Variants in ARL10 observed in about 807,000 individuals in gnomAD.
The protein encoded by ARL10 is ARF like GTPase 10, also known as ADP-ribosylation factor-like protein 10.
Under a neutral mutation model 26.1 loss-of-function variants are expected in ARL10, and 23 were observed. The ratio of observed to expected loss-of-function variants is 0.88; its 90% CI spans 0.63 to 1.25. The LOEUF (loss-of-function observed/expected upper bound fraction) is 1.25, where lower values mean the gene tolerates loss of function less well. Ranked by LOEUF, ARL10 falls within the 50% of genes most tolerant of loss-of-function variation. The pLI, the probability that ARL10 is intolerant of heterozygous loss-of-function variation, is 0.00. For missense variants in ARL10, 300 were observed against 323.6 expected, an observed-to-expected ratio of 0.93 and a Z score of 0.56; for synonymous variants, 138 against 149.1, an observed-to-expected ratio of 0.93 and a Z score of 0.54.
downstream of ARL10, among the ~76,000 whole-genome samples, chr5:176,382,992 G>A (rs13179981): frequency 0.097 from 14,824 of 152,174 alleles, 839 homozygotes; most frequent in African/African-American, 0.14. Context: ...TGGAGTCTAC[G>A]GCTGGCTCCA....
In ARL10 at chr5:176,379,002, A is replaced by G. The variant is rs971674520; in HGVS notation, c.*7107A>G. 1.2e-4 allele frequency: 19 copies of G among 152,304 alleles called. No homozygotes were observed. Among genetic ancestry groups the G allele is most frequent in the African/African-American group, 4.6e-4 (19 of 41,578 alleles). 9.4% of individuals were successfully genotyped at this position (152,304 alleles called of 1,614,324 possible). On this transcript the variant is annotated 3_prime_UTR_variant, in exon 4 of 4. Transcript: ENST00000310389. Reference sequence around the variant, plus strand: ...CACAGCACGTGGAACTTGCAAAAAAAAAAGTTCACTCCCTAAAACCAGATC... The same window carrying G: ...CACAGCACGTGGAACTTGCAAAAAAGAAAGTTCACTCCCTAAAACCAGATC...
At chr5:176,405,625 T>C (rs1376241556), downstream of ARL10, 3 of 151,838 alleles carry the variant, frequency 2.0e-5, no homozygotes, top group Non-Finnish European at 4.4e-5. Flanking sequence ...TAAAAGAATG[T>C]GCACTGACCA....
Position 176,368,885 on chromosome 5 carries a change from C to T in ARL10, c.464C>T (p.Ser155Leu), listed in dbSNP as rs770045755. 9 of 1,614,184 alleles carry T rather than the reference C, an allele frequency of 5.6e-6. No individual in the cohort carries two copies. The East Asian group carries it at 1.1e-4, about 20-fold the overall frequency. ...EVDVLVFVVDSADRLRLPWAR... is the reference protein window; with the variant it reads ...EVDVLVFVVDLADRLRLPWAR... ...GATGTGCTGGTGTTTGTGGTGGACT[C>T]GGCTGACCGACTGCGGCTGCCCTGG... The change falls in exon 3 of 4, where the codon TCG becomes TTG. Residue 155 changes from serine (S) to leucine (L), a missense_variant. Coordinates refer to ENST00000310389, the MANE Select transcript of ARL10 (RefSeq NM_173664.6). This position sits in a 1 kb window ranked among gnomAD's most constrained non-coding sequence, Gnocchi z 4.1.
the ARL10 span, among the ~76,000 whole-genome samples, chr5:176,407,216 T>C: frequency 6.6e-6 from 1 of 152,282 alleles, no homozygotes; most frequent in Admixed American, 6.5e-5. Context: ...AGTGGCTGAT[T>C]TCCTGGGTGA....
In ARL10 at chr5:176,365,495, C is replaced by A; in HGVS notation, c.-69C>A. ...GTGGGCGCGGCCGCAGCAGTCGCAG[C>A]GGGGCCATCTTCGGCGGGCGAGTGG... On this transcript the variant is annotated 5_prime_UTR_variant, in exon 1 of 4. Transcript: ENST00000310389. 8.7e-7 allele frequency: 1 copy of A among 1,147,206 alleles called. No homozygotes were observed. Among genetic ancestry groups the A allele is most frequent in the African/African-American group, 1.6e-5 (1 of 62,292 alleles). 71.1% of individuals were successfully genotyped at this position (1,147,206 alleles called of 1,614,324 possible). A position where few individuals can be genotyped will look rare whatever the true frequency, so the allele number is the denominator to read the frequency against.
Position 176,366,406 on chromosome 5 carries a change from G to A in ARL10, c.210G>A (p.Pro70=), listed in dbSNP as rs771258222. 5.6e-6 allele frequency: 9 copies of A among 1,611,102 alleles called. No homozygotes were observed. The highest frequency in any genetic ancestry group is 1.7e-5 in the Admixed American group (1 of 59,918). ...WDPEDEEDEE[P]ALEELEQREV... ...CCGAGGACGAGGAGGACGAGGAGCC[G>A]GCGCTGGAGGAGCTGGAACAGCGCG... The change falls in exon 2 of 4, where the codon CCG becomes CCA. Residue 70 remains proline (P), a synonymous_variant. Transcript: ENST00000310389.
downstream of ARL10, among the ~76,000 whole-genome samples, chr5:176,383,417 A>C (rs546956605): frequency 2.0e-5 from 3 of 152,378 alleles, no homozygotes; most frequent in African/African-American, 7.2e-5. Flanking sequence ...CATGCCACCG[A>C]ATCAGGCAAG....
intron 1 of ARL10, among the ~76,000 whole-genome samples, chr5:176,400,710 CCTT>C (rs1182784838): frequency 6.6e-6 from 1 of 152,218 alleles, no homozygotes; most frequent in East Asian, 1.9e-4. Flanking sequence ...CCTCCCTCCT[CCTT>C]CAAGCACTTA....
chr5:176,387,229 G>A (rs567301932), intron 1 of ARL10, among the ~76,000 whole-genome samples: 3 of 152,086 alleles, frequency 2.0e-5, no homozygotes, highest in South Asian at 2.1e-4. Context: ...ACAATCATGC[G>A]CCACCATGCC....
rs1481936766 is a variant in ARL10, at chr5:176,381,857, A to C, written c.*9962A>C. 6.6e-6 allele frequency: 1 copy of C among 152,230 alleles called. No individual in the cohort carries two copies. Among genetic ancestry groups the C allele is most frequent in the East Asian group, 1.9e-4 (1 of 5,206 alleles). 9.4% of individuals were successfully genotyped at this position (152,230 alleles called of 1,614,324 possible). A position where few individuals can be genotyped will look rare whatever the true frequency, so the allele number is the denominator to read the frequency against. ...CTAATGAATATATTGTACAATTTTT[A>C]AAGTCCCCAGTTGTGGGAGGTGAAC... is the stretch of plus-strand genomic sequence containing the variant. On this transcript the variant is annotated 3_prime_UTR_variant, in exon 4 of 4. Transcript: ENST00000310389.
the ARL10 span, among the ~76,000 whole-genome samples, chr5:176,413,165 T>C: frequency 3.9e-5 from 6 of 152,060 alleles, no homozygotes; most frequent in Non-Finnish European, 1.5e-5. Flanking sequence ...ACTGCCCATC[T>C]ACCACCGGGA....
At chr5:176,397,163 C>T (rs1003761212) in intron 1 of ARL10, among the ~76,000 whole-genome samples, 3 of 152,140 alleles carry the variant, frequency 2.0e-5, no homozygotes, top group African/African-American at 7.2e-5. Context: ...CGTGCCTACC[C>T]CAGAGCCTGG....
In ARL10 at chr5:176,376,650, T is replaced by G. The variant is rs1345480068; in HGVS notation, c.*4755T>G. 6.6e-6 allele frequency: 1 copy of G among 152,234 alleles called. No individual in the cohort carries two copies. The highest frequency in any genetic ancestry group is 1.5e-5 in the Non-Finnish European group (1 of 68,038). The allele number at this position is 152,234 out of a possible 1,614,324, so 9.4% of individuals were successfully genotyped here. ...AGATTTTTGCGATTGCAGTGAAGTC[T>G]TCATCCACATCTAGGGAAAGCTGTT... is the stretch of plus-strand genomic sequence containing the variant. On this transcript the variant is annotated 3_prime_UTR_variant, in exon 4 of 4. Transcript: ENST00000310389.
rs372541017 is a variant in ARL10, at chr5:176,366,597, A to AC, written c.385+20dup. On this transcript the variant is annotated intron_variant, in intron 2 of 3. Transcript: ENST00000310389. ...CTGCTAGAAAGTGAGCGGACACCCT[A>AC]CCCCATCTCCCCGTCTCCTCTACTG... 2 of 1,612,760 alleles carry AC rather than the reference A, an allele frequency of 1.2e-6. No individual in the cohort carries two copies. Among genetic ancestry groups the AC allele is most frequent in the South Asian group, 2.2e-5 (2 of 90,996 alleles).
the ARL10 span, among the ~76,000 whole-genome samples, chr5:176,410,861 C>A: frequency 6.6e-6 from 1 of 152,190 alleles, no homozygotes. Flanking sequence ...TCTCTTTGTG[C>A]CCCTCCCAGA....
Position 176,399,640 on chromosome 5 carries a change from T to A in ARL10, c.134-2101T>A, listed in dbSNP as rs917515685. Among the ~76,000 whole-genome samples the A allele has an allele frequency of 3.9e-5, 6 of 152,256 alleles. No homozygotes were observed. In the East Asian group the frequency reaches 1.2e-3, roughly 29 times the overall value. On this transcript the variant is annotated intron_variant, in intron 1 of 1. Coordinates refer to the ARL10 transcript ENST00000514533. Reference sequence around the variant, plus strand: ...CAGGCACGGTGGCTCACGCCTGTAATTCCAGCACTTTGGGAGGCCGAAGCG... The same window carrying A: ...CAGGCACGGTGGCTCACGCCTGTAAATCCAGCACTTTGGGAGGCCGAAGCG...
downstream of ARL10, among the ~76,000 whole-genome samples, chr5:176,405,243 AC>A (rs1311541415): frequency 6.6e-6 from 1 of 152,102 alleles, no homozygotes; most frequent in Non-Finnish European, 1.5e-5. Context: ...TAATCCCAGC[AC>A]TTTGGGAGGC....
rs191840002 is a variant in ARL10 at position 176,378,555 on chromosome 5, G to A, written c.*6660G>A. 4 of 152,328 alleles carry A rather than the reference G, an allele frequency of 2.6e-5. No homozygotes were observed. In the East Asian group the frequency reaches 5.8e-4, roughly 22 times the overall value. 9.4% of individuals were successfully genotyped at this position (152,328 alleles called of 1,614,324 possible). ...CTGCAAAGGCATGTATATATACATA[G>A]CATGTCTGCTATGTATATAGCATTT... On this transcript the variant is annotated 3_prime_UTR_variant, in exon 4 of 4. Transcript: ENST00000310389.
rs188430096 is a variant in ARL10 at position 176,394,279 on chromosome 5, C to T, written c.134-7462C>T. Among the ~76,000 whole-genome samples the T allele has an allele frequency of 1.1e-4, 17 of 152,336 alleles. No individual in the cohort carries two copies. In the East Asian group the frequency reaches 2.3e-3, roughly 21 times the overall value. The stretch of plus-strand genomic sequence containing the variant: ...CCATGGTCCAATGGCATCAGCATGA[C>T]GACAGAGCCTGTCAGAAATGCAGAC... On this transcript the variant is annotated intron_variant, in intron 1 of 1. Transcript: ENST00000514533.
Sources: gnomAD v4.1 joint callset for allele counts (sites outside exome capture counted in the v4.1 genomes callset) on GRCh38, gnomAD v4.1.1 for gene constraint, Gnocchi (gnomAD v3.1) non-coding constraint, MANE v1.5 for transcripts, NCBI Gene and HGNC (gene_info 2026-07-23, HGNC 2026-07-21) for gene names.